HOMER2: variants seen among roughly 807,000 people sequenced by gnomAD.
HOMER2 encodes homer scaffold protein 2, also known as homer protein homolog 2.
In HOMER2, 27 loss-of-function variants were observed where a neutral mutation model predicts 47.0. The observed-to-expected ratio is 0.57, with a 90% CI of 0.42 to 0.79. The LOEUF (loss-of-function observed/expected upper bound fraction) is 0.79. HOMER2 is among the 30% of genes least tolerant of loss of function. The pLI, the probability that HOMER2 is intolerant of heterozygous loss-of-function variation, is 0.00. For synonymous variants in HOMER2, 161 were observed against 163.8 expected, an observed-to-expected ratio of 0.98 and a Z score of 0.13; for missense variants, 443 against 435.0, an observed-to-expected ratio of 1.02 and a Z score of -0.16.
At chr15:82,866,398 T>C (rs535178679) in intron 3 of HOMER2, among the ~76,000 whole-genome samples, 2 of 152,210 alleles carry the variant, frequency 1.3e-5, no homozygotes, top group Admixed American at 6.5e-5. Flanking sequence ...TTTATTTTAC[T>C]GGCTCATAGG....
chr15:82,950,935 G>A (rs1458369134), intron 1 of HOMER2, among the ~76,000 whole-genome samples: 1 of 152,114 alleles, frequency 6.6e-6, no homozygotes, highest in South Asian at 2.1e-4. Flanking sequence ...GTTTTGTGTT[G>A]GCCAGGGGGA....
At chr15:82,943,422 G>C (rs2054306564) in intron 1 of HOMER2, among the ~76,000 whole-genome samples, 2 of 152,162 alleles carry the variant, frequency 1.3e-5, no homozygotes, top group African/African-American at 2.4e-5. Flanking sequence ...CATACCAAGT[G>C]AGCTGAAATA....
chr15:82,942,652 C>T (rs1221565059), intron 1 of HOMER2, among the ~76,000 whole-genome samples: 5 of 152,240 alleles, frequency 3.3e-5, no homozygotes, highest in African/African-American at 1.2e-4. Context: ...CCCTGACCAG[C>T]AACACAAATC....
intron 1 of HOMER2, among the ~76,000 whole-genome samples, chr15:82,970,971 G>A (rs2151257371): frequency 6.6e-6 from 1 of 152,346 alleles, no homozygotes; most frequent in East Asian, 1.9e-4. Flanking sequence ...AGGACACAGA[G>A]GTGAAAAGCC....
Position 82,952,512 on chromosome 15 carries a change from G to A in HOMER2, c.5+19C>T, listed in dbSNP as rs919224168. On this transcript the variant is annotated intron_variant, in intron 1 of 8. Coordinates refer to ENST00000450735, the MANE Select transcript of HOMER2 (RefSeq NM_004839.4). ...CTCCGGAGGGGCGCGCGGAGAGCGC[G>A]CGGCGCGGGCTCACTCACCCCATCT... The A allele has an allele frequency of 2.5e-6, 3 of 1,189,282 alleles. No homozygotes were observed. The highest frequency in any genetic ancestry group is 1.6e-5 in the African/African-American group (1 of 62,770). 73.7% of individuals were successfully genotyped at this position (1,189,282 alleles called of 1,614,324 possible). A position where few individuals can be genotyped will look rare whatever the true frequency, so the allele number is the denominator to read the frequency against.
At chr15:82,927,475 G>A (rs17158155) in intron 1 of HOMER2, among the ~76,000 whole-genome samples, 14,566 of 152,180 alleles carry the variant, frequency 0.096, 1,061 homozygotes, top group East Asian at 0.39. Context: ...TTTCTATAGC[G>A]ATAAAGTGTT....
At chr15:82,979,050 C>A (rs2030303855) in intron 1 of HOMER2, among the ~76,000 whole-genome samples, 1 of 152,182 alleles carries the variant, frequency 6.6e-6, no homozygotes, top group Non-Finnish European at 1.5e-5. Context: ...GGGCTTCCCC[C>A]TTTACTTGGT....
intron 1 of HOMER2, among the ~76,000 whole-genome samples, chr15:82,897,990 G>C (rs1188791287): frequency 1.3e-5 from 2 of 152,206 alleles, no homozygotes; most frequent in African/African-American, 4.8e-5. Context: ...CAATAGAAGA[G>C]ACACTGTCCT....
exon 2 of HOMER2, chr15:82,843,814 T>C (rs911942180): frequency 5.9e-5 from 9 of 152,194 alleles, no homozygotes; most frequent in African/African-American, 1.9e-4. Context: ...GAAGGCAATT[T>C]GAGGCAATAC....
intron 5 of HOMER2, among the ~76,000 whole-genome samples, chr15:82,855,341 AAAAAAAAAG>A (rs1190759076): frequency 6.6e-6 from 1 of 150,584 alleles, no homozygotes; most frequent in Non-Finnish European, 1.5e-5. Context: ...AAAAAAAAAA[AAAAAAAAAG>A]AAAACACAAT....
At chr15:82,889,333 G>C (rs931869881) in intron 2 of HOMER2, among the ~76,000 whole-genome samples, 10 of 152,206 alleles carry the variant, frequency 6.6e-5, no homozygotes. Flanking sequence ...GAGGCTCCAC[G>C]GCATGCATGA....
chr15:82,859,263 A>G lies in HOMER2; in HGVS notation c.388-128T>C, dbSNP rs577647995. The G allele has an allele frequency of 3.6e-4, 472 of 1,317,502 alleles. 4 individuals carry two copies. The East Asian group carries it at 0.011, about 30-fold the overall frequency. 81.6% of individuals were successfully genotyped at this position (1,317,502 alleles called of 1,614,324 possible). On this transcript the variant is annotated intron_variant, in intron 4 of 8. Coordinates refer to ENST00000450735, the MANE Select transcript of HOMER2 (RefSeq NM_004839.4). ...GAAACTTTACGAGTGTGGACGAACC[A>G]ACTCATCCAACCAGAATGCAGCAAA...
chr15:82,876,246 A>G (rs1466734805), intron 2 of HOMER2, among the ~76,000 whole-genome samples: 1 of 152,258 alleles, frequency 6.6e-6, no homozygotes, highest in Admixed American at 6.5e-5. Flanking sequence ...TTAGCCCCTC[A>G]GGGACCAGAG....
Position 82,849,765 on chromosome 15 carries a change from C to A in HOMER2, c.982G>T (p.Asp328Tyr). 1 of 1,613,910 alleles carries A rather than the reference C, an allele frequency of 6.2e-7. No homozygotes were observed. The highest frequency in any genetic ancestry group is 1.1e-5 in the South Asian group (1 of 91,070). Residue 328 changes from aspartate (D) to tyrosine (Y), a missense_variant, in exon 9 of 9, where the codon GAC becomes TAC. By Grantham distance (160) the Asp-to-Tyr change is radical. Transcript: ENST00000450735. Reference protein sequence around the residue: ...FLEVLDGKIDDLHDFRRGLSK... With the variant: ...FLEVLDGKIDYLHDFRRGLSK... ...AGCCCTCGGCGGAAGTCATGCAGGT[C>A]GTCAATCTTCCCGTCCAGCACCTCC...
At chr15:82,934,564 C>T (rs1397664225) in intron 1 of HOMER2, among the ~76,000 whole-genome samples, 1 of 152,148 alleles carries the variant, frequency 6.6e-6, no homozygotes, top group Non-Finnish European at 1.5e-5. Context: ...TTTACTTCCC[C>T]ACTCCACCAG....
chr15:82,923,089 C>G (rs1367268282), intron 1 of HOMER2, among the ~76,000 whole-genome samples: 4 of 152,186 alleles, frequency 2.6e-5, no homozygotes, highest in Non-Finnish European at 5.9e-5. Flanking sequence ...TATTCAGGCT[C>G]ATCTTTGGGT....
intron 1 of HOMER2, among the ~76,000 whole-genome samples, chr15:82,911,404 A>G (rs1407730429): frequency 6.6e-6 from 1 of 152,166 alleles, no homozygotes; most frequent in Admixed American, 6.5e-5. Context: ...TCTAGAAGCC[A>G]GTCGTTGTAA....
intron 2 of HOMER2, among the ~76,000 whole-genome samples, chr15:82,880,372 G>A (rs912524496): frequency 6.6e-6 from 1 of 152,214 alleles, no homozygotes; most frequent in Non-Finnish European, 1.5e-5. Flanking sequence ...GCAAGGGAAT[G>A]CTTAATACAC....
rs1009526924 is a variant in HOMER2 at position 82,952,615 on chromosome 15, G to A, written c.-80C>T. 17 of 1,073,254 alleles carry A rather than the reference G, an allele frequency of 1.6e-5. No individual in the cohort carries two copies. In the African/African-American group the frequency reaches 1.9e-4, roughly 12 times the overall value. 66.5% of individuals were successfully genotyped at this position (1,073,254 alleles called of 1,614,324 possible). On this transcript the variant is annotated 5_prime_UTR_variant, in exon 1 of 9. Transcript: ENST00000450735. ...CCCGCTCGGCAGCCGCTCCCCGCGCGGCACATGCGGCGGCCCGTGCGCGCC... is the reference window on the plus strand; with the variant it reads ...CCCGCTCGGCAGCCGCTCCCCGCGCAGCACATGCGGCGGCCCGTGCGCGCC...
Sources: allele counts gnomAD v4.1 joint callset (sites outside exome capture counted in the v4.1 genomes callset), GRCh38; gene constraint gnomAD v4.1.1; transcripts MANE v1.5; gene names NCBI Gene and HGNC (gene_info 2026-07-23, HGNC 2026-07-21).